The following RASA1 variants were observed in gnomAD, a reference collection of about 807,000 sequenced individuals.
RASA1 encodes RAS p21 protein activator 1, also known as ras GTPase-activating protein 1.
A neutral mutation model predicts 132.2 loss-of-function variants in RASA1; 25 were observed. The observed-to-expected ratio is 0.19, with a 90% CI of 0.14 to 0.26. The LOEUF (loss-of-function observed/expected upper bound fraction) is 0.26, where lower values mean the gene tolerates loss of function less well. Among genes scored for constraint, RASA1 ranks in the 10% least tolerant of loss-of-function variants. The pLI is 1.00. For missense variants in RASA1, 964 were observed against 1,299.2 expected, an observed-to-expected ratio of 0.74 and a Z score of 3.97; for synonymous variants, 477 against 449.9, an observed-to-expected ratio of 1.06 and a Z score of -0.76.
chr5:87,270,437 T>C (rs1378727719), intron 1 of RASA1, among the ~76,000 whole-genome samples: 1 of 147,080 alleles, frequency 6.8e-6, no homozygotes, highest in African/African-American at 2.5e-5. Flanking sequence ...AACCTCCGCC[T>C]CCCGGGTTCA....
chr5:87,333,482 C>T, intron 4 of RASA1, 145 bp downstream of exon 4: 1 of 1,311,834 alleles, frequency 7.6e-7, no homozygotes. Context: ...TCTGTTGGTC[C>T]TGTATCTCTG....
At chr5:87,336,233 T>C (rs1341426327) in intron 4 of RASA1, among the ~76,000 whole-genome samples, 3 of 152,168 alleles carry the variant, frequency 2.0e-5, no homozygotes, top group Non-Finnish European at 4.4e-5. Flanking sequence ...TAATGAGCTA[T>C]TTTTAAAGGA....
chr5:87,364,919 C>T (rs1211050990), intron 11 of RASA1, among the ~76,000 whole-genome samples: 1 of 152,134 alleles, frequency 6.6e-6, no homozygotes, highest in African/African-American at 2.4e-5. Context: ...AGATCTGTTG[C>T]TGGAAATGAT....
intron 1 of RASA1, among the ~76,000 whole-genome samples, chr5:87,302,013 T>C (rs1183648606): frequency 2.6e-5 from 4 of 152,176 alleles, no homozygotes; most frequent in African/African-American, 9.6e-5. Context: ...AATTTTCTGA[T>C]AATGACTTTT....
rs114030988 is a variant in RASA1, at chr5:87,291,490, C to T, written c.539+22500C>T. On this transcript the variant is annotated intron_variant, in intron 1 of 24. Transcript: ENST00000274376. ...AGGCTGCAGTGAGCTATGATTGTGC[C>T]ACGGCACTCCTACCTGGGCAACAGG... Among the ~76,000 whole-genome samples the T allele has an allele frequency of 6.6e-3, 1,011 of 152,234 alleles. 11 individuals are homozygous for T. The highest frequency in any genetic ancestry group is 0.023 in the African/African-American group (968 of 41,544).
In RASA1 at chr5:87,311,797, A is replaced by G. The variant is rs528391616; in HGVS notation, c.540-19551A>G. On this transcript the variant is annotated intron_variant, in intron 1 of 24. Transcript: ENST00000274376. Reference sequence around the variant, plus strand: ...ACTCCAGAGGTCAGACTGATACTGCATGGACCAAGGCCCCTCCCGTAAATT... The same window carrying G: ...ACTCCAGAGGTCAGACTGATACTGCGTGGACCAAGGCCCCTCCCGTAAATT... 3.3e-5 allele frequency among the ~76,000 whole-genome samples: 5 copies of G among 152,328 alleles called. 1 individual carries two copies. In the South Asian group the frequency reaches 1.0e-3, roughly 32 times the overall value.
intron 9 of RASA1, among the ~76,000 whole-genome samples, chr5:87,362,069 A>C (rs1332554447): frequency 6.6e-6 from 1 of 152,052 alleles, no homozygotes; most frequent in Non-Finnish European, 1.5e-5. Context: ...AGGTATTTGA[A>C]GTGTGTATGT....
chr5:87,372,170 G>A lies in RASA1; in HGVS notation c.1751G>A (p.Gly584Glu), dbSNP rs2112480098. 1 of 1,613,622 alleles carries A rather than the reference G, an allele frequency of 6.2e-7. No homozygotes were observed. Among genetic ancestry groups the A allele is most frequent in the Non-Finnish European group, 8.5e-7 (1 of 1,179,732 alleles). The change falls in exon 13 of 25, where the codon GGG (glycine) becomes GAG (glutamate). Residue 584 changes from glycine to glutamate, a missense_variant. Transcript: ENST00000274376. ...AFCNLRKSSP[G>E]TSNKRLRQVS... ...TGCAATTTACGGAAAAGTAGTCCAG[G>A]GACATCCAATAAACGCCTTCGTCAG...
In RASA1 at chr5:87,391,701, T is replaced by A. The variant is rs192141756; in HGVS notation, c.*818T>A. 4.3e-6 allele frequency: 1 copy of A among 233,020 alleles called. No individual in the cohort carries two copies. The highest frequency in any genetic ancestry group is 8.5e-6 in the Non-Finnish European group (1 of 117,768). 14.4% of individuals were successfully genotyped at this position (233,020 alleles called of 1,614,324 possible). A position where few individuals can be genotyped will look rare whatever the true frequency, so the allele number is the denominator to read the frequency against. ...ATTTCTTTTATGTTAACTAGAATGC[T>A]TTTGTTAAAAGTTATTTGTTCATTA... is the stretch of plus-strand genomic sequence containing the variant. On this transcript the variant is annotated 3_prime_UTR_variant, in exon 25 of 25. Transcript: ENST00000274376.
chr5:87,385,089 A>G (rs1050823352), intron 21 of RASA1, among the ~76,000 whole-genome samples: 7 of 152,142 alleles, frequency 4.6e-5, no homozygotes, highest in African/African-American at 1.7e-4. Context: ...ACTGATAAGC[A>G]TATTCACTTT....
At chr5:87,332,668 T>C in intron 3 of RASA1, 26 bp downstream of exon 3, 1 of 1,590,456 alleles carries the variant, frequency 6.3e-7, no homozygotes, top group South Asian at 1.1e-5. Flanking sequence ...AAAATATCTT[T>C]CAAAACTTTA....
At chr5:87,272,291 C>T (rs983240213) in intron 1 of RASA1, among the ~76,000 whole-genome samples, 1 of 151,992 alleles carries the variant, frequency 6.6e-6, no homozygotes, top group Non-Finnish European at 1.5e-5. Flanking sequence ...CTAAAAAATA[C>T]CCTCCATTTA....
chr5:87,295,936 C>T (rs1160851460), intron 1 of RASA1, among the ~76,000 whole-genome samples: 1 of 152,082 alleles, frequency 6.6e-6, no homozygotes, highest in East Asian at 1.9e-4. Flanking sequence ...CCTGCCTCAG[C>T]CTCTGGGGTA....
At chr5:87,386,191 A>G (rs975948550) in intron 22 of RASA1, among the ~76,000 whole-genome samples, 1 of 151,912 alleles carries the variant, frequency 6.6e-6, no homozygotes, top group Non-Finnish European at 1.5e-5. Context: ...TCATGTCTTT[A>G]TCTTTGGAAT....
intron 11 of RASA1, among the ~76,000 whole-genome samples, chr5:87,369,466 C>G (rs17207373): frequency 0.016 from 2,399 of 152,230 alleles, 43 homozygotes; most frequent in Middle Eastern, 0.068. Context: ...AAGAACATTT[C>G]TAGTCTTTTT....
At chr5:87,310,814 A>T (rs1437096289) in intron 1 of RASA1, among the ~76,000 whole-genome samples, 1 of 152,194 alleles carries the variant, frequency 6.6e-6, no homozygotes, top group African/African-American at 2.4e-5. Flanking sequence ...AAAACTTCTG[A>T]TGCCTTAGTA....
chr5:87,347,428 C>T (rs1009635170), intron 7 of RASA1, among the ~76,000 whole-genome samples: 6 of 151,762 alleles, frequency 4.0e-5, no homozygotes, highest in African/African-American at 9.7e-5. Flanking sequence ...ATTTAAATAC[C>T]GAGCATTTCT....
At chr5:87,386,752 A>C in intron 22 of RASA1, 74 bp from the exon 23 acceptor site, 1 of 1,323,964 alleles carries the variant, frequency 7.6e-7, no homozygotes, top group Non-Finnish European at 1.1e-6. Context: ...AACTGTAATT[A>C]CTTTTGCACC....
rs373059169 is a variant in RASA1 at position 87,376,982 on chromosome 5, C to T, written c.2286C>T (p.His762=). 335 of 1,613,504 alleles carry T rather than the reference C, an allele frequency of 2.1e-4. No homozygotes were observed. The highest frequency in any genetic ancestry group is 1.1e-4 in the Non-Finnish European group (126 of 1,179,552). ...GCATCCTACTGAGGATTTTTCTTCA[C>T]GAAAAGCTTGAATCGTTGTTGTTAT... is the stretch of plus-strand genomic sequence containing the variant. The part of the protein sequence containing the change: ...LASILLRIFL[H]EKLESLLLCT... The change falls in exon 17 of 25, where the codon CAC becomes CAT. Residue 762 remains histidine (H), a synonymous_variant. Coordinates refer to ENST00000274376, the MANE Select transcript of RASA1 (RefSeq NM_002890.3).
Sources: gnomAD v4.1 joint callset for allele counts (sites outside exome capture counted in the v4.1 genomes callset) on GRCh38, gnomAD v4.1.1 for gene constraint, MANE v1.5 for transcripts, NCBI Gene and HGNC (gene_info 2026-07-23, HGNC 2026-07-21) for gene names.